Variants in ASIC2 observed in about 807,000 individuals in gnomAD.
The protein encoded by ASIC2 is acid sensing ion channel subunit 2.
In ASIC2, 25 loss-of-function variants were observed where a neutral mutation model predicts 57.3. That is an observed-to-expected ratio of 0.44 (90% CI 0.32 to 0.61). ASIC2 has a LOEUF of 0.61. Among genes scored for constraint, ASIC2 ranks in the 20% least tolerant of loss-of-function variants. The pLI, the probability that ASIC2 is intolerant of heterozygous loss-of-function variation, is 0.06. For synonymous variants in ASIC2, 319 were observed against 307.5 expected (o/e 1.04, Z -0.39); for missense variants, 641 against 738.1 (o/e 0.87, Z 1.52).
intron 1 of ASIC2, among the ~76,000 whole-genome samples, chr17:33,725,214 C>T (rs1224998347): frequency 3.3e-5 from 5 of 152,228 alleles, no homozygotes; most frequent in South Asian, 2.1e-4. Context: ...GACAAGTAGC[C>T]TCTGTGTCCT....
intron 1 of ASIC2, among the ~76,000 whole-genome samples, chr17:33,384,614 T>C (rs956830150): frequency 6.6e-6 from 1 of 152,176 alleles, no homozygotes; most frequent in African/African-American, 2.4e-5. Context: ...GTGGGTATTA[T>C]TAGAGATGCA....
intron 1 of ASIC2, among the ~76,000 whole-genome samples, chr17:33,427,057 T>G (rs996456210): frequency 6.6e-6 from 1 of 152,076 alleles, no homozygotes; most frequent in African/African-American, 2.4e-5. Flanking sequence ...CCAGAAACAG[T>G]GATCAAGGTG....
At chr17:33,161,606 AGCTCTTTGAGGGCTGGGATTCTTT>A (rs1567768314) in intron 1 of ASIC2, among the ~76,000 whole-genome samples, 5 of 152,188 alleles carry the variant, frequency 3.3e-5, no homozygotes, top group Admixed American at 6.5e-5. Flanking sequence ...ATATAATGTA[AGCTCTTTGAGGGCTGGGATTCTTT>A]CAGCTTTGTT....
In ASIC2 at chr17:33,691,732, C is replaced by T. The variant is rs1908375179; in HGVS notation, c.555+464246G>A. Among the ~76,000 whole-genome samples the T allele has an allele frequency of 2.6e-5, 4 of 152,096 alleles. No homozygotes were observed. The South Asian group carries it at 8.3e-4, about 32-fold the overall frequency. On this transcript the variant is annotated intron_variant, in intron 1 of 9. Transcript: ENST00000359872. ...GGATTCTATGTAACCAAATTACTCT[C>T]TTCTCCCATGGCTTCCACATATTGT...
chr17:34,130,624 C>T (rs1415328326), intron 1 of ASIC2, among the ~76,000 whole-genome samples: 1 of 152,204 alleles, frequency 6.6e-6, no homozygotes, highest in Non-Finnish European at 1.5e-5. Context: ...TAAAGCATTT[C>T]CTCTTCCAAA....
intron 1 of ASIC2, among the ~76,000 whole-genome samples, chr17:33,491,633 A>G (rs931286334): frequency 2.0e-5 from 3 of 152,214 alleles, no homozygotes; most frequent in African/African-American, 4.8e-5. Context: ...CCCTGGAAGA[A>G]GCCTAATCAT....
chr17:33,559,134 TCTGA>T (rs978263358), intron 1 of ASIC2, among the ~76,000 whole-genome samples: 2 of 152,152 alleles, frequency 1.3e-5, no homozygotes, highest in African/African-American at 4.8e-5. Flanking sequence ...GCCTCTACAC[TCTGA>T]CTGAGCAAGA....
At chr17:33,837,317 T>A (rs1414548722) in intron 1 of ASIC2, among the ~76,000 whole-genome samples, 2 of 152,214 alleles carry the variant, frequency 1.3e-5, no homozygotes, top group African/African-American at 4.8e-5. Flanking sequence ...AGATTCTGAT[T>A]ACAGTTGTTT....
chr17:33,452,470 G>T (rs1912284800), intron 1 of ASIC2, among the ~76,000 whole-genome samples: 1 of 152,194 alleles, frequency 6.6e-6, no homozygotes, highest in Non-Finnish European at 1.5e-5. Flanking sequence ...TGAAAGCAAT[G>T]GAAAAGGGAA....
intron 1 of ASIC2, among the ~76,000 whole-genome samples, chr17:34,019,710 A>G (rs959139136): frequency 6.6e-6 from 1 of 152,184 alleles, no homozygotes; most frequent in African/African-American, 2.4e-5. Flanking sequence ...GAACCAAGAA[A>G]TTTCTGCGAC....
intron 1 of ASIC2, among the ~76,000 whole-genome samples, chr17:33,340,024 G>A (rs909026037): frequency 6.6e-6 from 1 of 152,116 alleles, no homozygotes; most frequent in African/African-American, 2.4e-5. Context: ...ATTCTAAGTG[G>A]GCAAGGATGG....
At chr17:33,662,722 CTCCCTCCCTCCCTCCT>C (rs1165152909) in intron 1 of ASIC2, among the ~76,000 whole-genome samples, 2 of 148,730 alleles carry the variant, frequency 1.3e-5, no homozygotes, top group African/African-American at 4.9e-5. Context: ...TGTTTCCTCC[CTCCCTCCCTCCCTCCT>C]TCCCTCCCTT....
upstream of ASIC2, among the ~76,000 whole-genome samples, chr17:33,293,756 G>A (rs930210983): frequency 9.2e-5 from 14 of 152,160 alleles, no homozygotes; most frequent in Non-Finnish European, 1.6e-4. Flanking sequence ...GTGGCGTGCT[G>A]TGGCCATTAG....
chr17:33,783,721 T>C (rs1333101189), intron 1 of ASIC2, among the ~76,000 whole-genome samples: 1 of 152,208 alleles, frequency 6.6e-6, no homozygotes, highest in Non-Finnish European at 1.5e-5. Context: ...TGAAAAAACA[T>C]GAATGAAGGG....
intron 1 of ASIC2, among the ~76,000 whole-genome samples, chr17:33,471,334 C>G (rs1004315009): frequency 3.3e-5 from 5 of 152,146 alleles, no homozygotes; most frequent in African/African-American, 4.8e-5. Context: ...GGTTAGCTGT[C>G]GACTGATGAC....
intron 1 of ASIC2, chr17:33,794,891 G>C (rs1313363076): frequency 6.6e-6 from 1 of 152,182 alleles, no homozygotes; most frequent in Non-Finnish European, 1.5e-5. Flanking sequence ...CTAGTCCTTA[G>C]CTCTGTCTCT....
intron 1 of ASIC2, among the ~76,000 whole-genome samples, chr17:33,408,742 T>C (rs1384619010): frequency 6.6e-6 from 1 of 152,072 alleles, no homozygotes. Flanking sequence ...AGAGCACCAA[T>C]CTGATCTTTG....
intron 1 of ASIC2, among the ~76,000 whole-genome samples, chr17:33,622,700 A>G (rs147449532): frequency 3.3e-5 from 5 of 152,358 alleles, no homozygotes; most frequent in African/African-American, 1.2e-4. Flanking sequence ...ATTAAATGGA[A>G]TAACCTATAT....
intron 1 of ASIC2, among the ~76,000 whole-genome samples, chr17:33,451,070 T>TA (rs1749312775): frequency 6.6e-6 from 1 of 151,662 alleles, no homozygotes; most frequent in South Asian, 2.1e-4. Context: ...CTTTTTTTTT[T>TA]TTCTGAGATG....
Sources: gnomAD v4.1 joint callset for allele counts (sites outside exome capture counted in the v4.1 genomes callset) on GRCh38, gnomAD v4.1.1 for gene constraint, MANE v1.5 for transcripts, NCBI Gene and HGNC (gene_info 2026-07-23, HGNC 2026-07-21) for gene names.